The following HP1BP3 variants were observed in gnomAD, a reference collection of about 807,000 sequenced individuals.
The protein encoded by HP1BP3 is heterochromatin protein 1 binding protein 3, also known as heterochromatin protein 1-binding protein 3.
In HP1BP3, 12 loss-of-function variants were observed where a neutral mutation model predicts 62.5. The observed-to-expected ratio is 0.19, with a 90% CI of 0.12 to 0.31. The LOEUF is 0.31. HP1BP3 is among the 10% of genes least tolerant of loss of function. The pLI is 1.00. For missense variants in HP1BP3, 502 were observed against 651.8 expected, an observed-to-expected ratio of 0.77 and a Z score of 2.50; for synonymous variants, 260 against 237.8, an observed-to-expected ratio of 1.09 and a Z score of -0.86.
chr1:20,779,704 T>TA (rs1276863539), intron 3 of HP1BP3, 108 bp downstream of exon 3: 1 of 628,518 alleles, frequency 1.6e-6, no homozygotes, highest in African/African-American at 2.2e-5. Context: ...CCAAAACACT[T>TA]AGCCATGAAA....
At chr1:20,746,640 G>T (rs74418863) in intron 11 of HP1BP3, among the ~76,000 whole-genome samples, 2,078 of 152,254 alleles carry the variant, frequency 0.014, 48 homozygotes, top group African/African-American at 0.046. Flanking sequence ...TAAGGTATTT[G>T]CAAGAAACAA....
intron 1 of HP1BP3, among the ~76,000 whole-genome samples, chr1:20,780,957 T>C (rs2057517240): frequency 6.6e-6 from 1 of 152,024 alleles, no homozygotes; most frequent in South Asian, 2.1e-4. Context: ...TTAAACTCTA[T>C]CTCTATTAAA....
At chr1:20,752,645 G>T (rs1192588325) in intron 9 of HP1BP3, among the ~76,000 whole-genome samples, 5 of 152,082 alleles carry the variant, frequency 3.3e-5, no homozygotes, top group Non-Finnish European at 2.9e-5. Flanking sequence ...GGGTAAAACT[G>T]CTGTCAGCTT....
At chr1:20,753,306 G>A (rs574624237) in intron 9 of HP1BP3, among the ~76,000 whole-genome samples, 1 of 152,282 alleles carries the variant, frequency 6.6e-6, no homozygotes, top group East Asian at 1.9e-4. Context: ...ACTTGGTTAT[G>A]AGGTAGACAG....
At chr1:20,775,948 C>T in intron 4 of HP1BP3, 9 of 1,492,996 alleles carry the variant, frequency 6.0e-6, no homozygotes, top group Non-Finnish European at 8.0e-6. Flanking sequence ...TAGTTAAAAG[C>T]AATTTCTAAC....
chr1:20,782,870 A>C (rs1183849847), intron 1 of HP1BP3, among the ~76,000 whole-genome samples: 1 of 147,896 alleles, frequency 6.8e-6, no homozygotes, highest in Non-Finnish European at 1.5e-5. Context: ...ACTGCACTCC[A>C]GCCTGGGCGA....
chr1:20,759,268 C>T (rs542413701), intron 8 of HP1BP3, among the ~76,000 whole-genome samples: 6 of 152,194 alleles, frequency 3.9e-5, no homozygotes, highest in South Asian at 2.1e-4. Context: ...GGTGTGGTGG[C>T]GCATGCCTGT....
At chr1:20,767,709 A>C in intron 6 of HP1BP3, 45 bp from the exon 7 acceptor site, 3 of 1,265,194 alleles carry the variant, frequency 2.4e-6, no homozygotes, top group Non-Finnish European at 3.4e-6. Context: ...ATAACTTTAC[A>C]GTAGGCTAAG....
intron 9 of HP1BP3, among the ~76,000 whole-genome samples, chr1:20,754,316 G>A (rs906587437): frequency 6.6e-6 from 1 of 152,096 alleles, no homozygotes; most frequent in African/African-American, 2.4e-5. Flanking sequence ...TTCAAGACTC[G>A]TACACCGAAC....
intron 9 of HP1BP3, 86 bp from the exon 10 acceptor site, chr1:20,749,968 C>T (rs1276294189): frequency 7.2e-6 from 11 of 1,528,438 alleles, no homozygotes; most frequent in East Asian, 4.6e-5. Context: ...CCAGGTGGGT[C>T]GGAGTTCCTG....
intron 7 of HP1BP3, among the ~76,000 whole-genome samples, chr1:20,767,290 T>C (rs2056833375): frequency 6.6e-6 from 1 of 152,196 alleles, no homozygotes; most frequent in Non-Finnish European, 1.5e-5. Flanking sequence ...CACTACAGCA[T>C]GGGCAACAGA....
chr1:20,764,500 C>T (rs919930541), intron 8 of HP1BP3, among the ~76,000 whole-genome samples: 2 of 151,806 alleles, frequency 1.3e-5, no homozygotes, highest in African/African-American at 2.4e-5. Context: ...CCCACCACCA[C>T]AGCCAGCCTA....
intron 6 of HP1BP3, among the ~76,000 whole-genome samples, chr1:20,769,168 C>T (rs1453984378): frequency 6.6e-6 from 1 of 152,140 alleles, no homozygotes; most frequent in Non-Finnish European, 1.5e-5. Flanking sequence ...TAGCTCATTG[C>T]TATGTTAGCT....
intron 9 of HP1BP3, among the ~76,000 whole-genome samples, chr1:20,755,861 ACAT>A (rs1285484529): frequency 4.6e-5 from 7 of 152,320 alleles, no homozygotes; most frequent in African/African-American, 1.2e-4. Context: ...AAATTCAAAA[ACAT>A]CATGCCAAAA....
intron 8 of HP1BP3, among the ~76,000 whole-genome samples, chr1:20,764,405 G>C (rs1021085589): frequency 1.3e-5 from 2 of 151,270 alleles, no homozygotes; most frequent in Non-Finnish European, 2.9e-5. Context: ...GTGCAATGGC[G>C]CAATCTCGGC....
intron 6 of HP1BP3, among the ~76,000 whole-genome samples, chr1:20,769,702 G>A (rs563075636): frequency 5.3e-5 from 8 of 152,296 alleles, no homozygotes; most frequent in East Asian, 3.9e-4. Context: ...GTGCCTGGCC[G>A]TCAGTGATAA....
At chr1:20,765,996 A>G (rs1211824236) in intron 7 of HP1BP3, among the ~76,000 whole-genome samples, 1 of 150,980 alleles carries the variant, frequency 6.6e-6, no homozygotes, top group Non-Finnish European at 1.5e-5. Context: ...AAACACAACA[A>G]AACAAGAAAA....
chr1:20,753,149 G>A (rs1350970823), intron 9 of HP1BP3, among the ~76,000 whole-genome samples: 1 of 152,124 alleles, frequency 6.6e-6, no homozygotes, highest in East Asian at 1.9e-4. Context: ...CACCATGTTA[G>A]CCAGGATGGT....
At chr1:20,746,227 T>TGTGTGTGTGTGTGTGTGTGTGTGTGTG (rs1557633244) in intron 11 of HP1BP3, among the ~76,000 whole-genome samples, 4 of 146,046 alleles carry the variant, frequency 2.7e-5, no homozygotes, top group African/African-American at 1.0e-4. Context: ...TGTGTGTGTG[T>TGTGTGTGTGTGTGTGTGTGTGTGTGTG]TTCTTGCCTT....
Sources: gnomAD v4.1 joint callset for allele counts (sites outside exome capture counted in the v4.1 genomes callset) on GRCh38, gnomAD v4.1.1 for gene constraint, MANE v1.5 for transcripts, NCBI Gene and HGNC (gene_info 2026-07-23, HGNC 2026-07-21) for gene names.